The following PSME4 variants were observed in gnomAD, a reference collection of about 807,000 sequenced individuals.
PSME4 encodes proteasome activator complex subunit 4.
PSME4 carries 89 observed loss-of-function variants against 253.9 expected under a neutral mutation model. The ratio of observed to expected loss-of-function variants is 0.35; its 90% CI spans 0.30 to 0.42. PSME4 has a LOEUF of 0.42. Ranked by LOEUF, PSME4 falls within the 10% of genes least tolerant of loss-of-function variation. PSME4 has a pLI of 1.00. For missense variants in PSME4, 2,014 were observed against 2,195.2 expected, an observed-to-expected ratio of 0.92 and a Z score of 1.65; for synonymous variants, 851 against 759.2, an observed-to-expected ratio of 1.12 and a Z score of -1.99.
At chr2:53,934,756 A>G in intron 7 of PSME4, 29 bp from the exon 8 acceptor site, 1 of 1,491,870 alleles carries the variant, frequency 6.7e-7, no homozygotes, top group Admixed American at 1.7e-5. Flanking sequence ...AAGTAAGGAT[A>G]TTTACAGGTA....
intron 41 of PSME4, among the ~76,000 whole-genome samples, chr2:53,879,004 A>G (rs1679259136): frequency 6.6e-6 from 1 of 152,186 alleles, no homozygotes; most frequent in African/African-American, 2.4e-5. Flanking sequence ...AGGGGCATCA[A>G]GGAACCTGCT....
chr2:53,898,048 G>GA (rs749812201), intron 30 of PSME4, 49 bp from the exon 31 acceptor site: 28,622 of 1,269,878 alleles, frequency 0.023, 1 homozygote, highest in South Asian at 0.037. Context: ...AAACCACTTG[G>GA]AAAAAAAAAA....
At chr2:53,882,221 C>G (rs980643444) in intron 41 of PSME4, among the ~76,000 whole-genome samples, 1 of 152,054 alleles carries the variant, frequency 6.6e-6, no homozygotes, top group African/African-American at 2.4e-5. Context: ...GTGCAAAGTG[C>G]AAAAGATATG....
At chr2:53,947,717 A>AAACAAAACAG (rs1669788897) in intron 3 of PSME4, among the ~76,000 whole-genome samples, 9 of 147,530 alleles carry the variant, frequency 6.1e-5, no homozygotes, top group Admixed American at 6.1e-4. Context: ...AAACAAAACA[A>AAACAAAACAG]ACAAAAACAC....
intron 3 of PSME4, 125 bp downstream of exon 3, chr2:53,948,296 A>C (rs1265714711): frequency 2.9e-6 from 2 of 685,392 alleles, no homozygotes; most frequent in Non-Finnish European, 5.2e-6. Context: ...GTCAAATTAC[A>C]CAGAAATAGG....
rs558936393 is a variant in PSME4 at position 53,926,128 on chromosome 2, T to A, written c.1594-105A>T. On this transcript the variant is annotated intron_variant, in intron 12 of 46. Transcript: ENST00000404125. ...TGCCAAATGTATCCACACTAAACCA[T>A]TATATTGGGTACTATGAGAAACAGC... 3 of 813,256 alleles carry A rather than the reference T, an allele frequency of 3.7e-6. No homozygotes were observed. The South Asian group carries it at 4.8e-5, about 13-fold the overall frequency. 50.4% of individuals were successfully genotyped at this position (813,256 alleles called of 1,614,324 possible).
chr2:53,885,645 T>C (rs369233159), intron 41 of PSME4, 45 bp downstream of exon 41: 3 of 1,415,704 alleles, frequency 2.1e-6, no homozygotes, highest in East Asian at 2.3e-5. Flanking sequence ...AAATTCCTTA[T>C]GAAGGTCAAA....
At chr2:53,894,202 G>T (rs1573230528) in intron 34 of PSME4, among the ~76,000 whole-genome samples, 1 of 152,108 alleles carries the variant, frequency 6.6e-6, no homozygotes, top group African/African-American at 2.4e-5. Flanking sequence ...TTCAGAATCA[G>T]AAAAAGTTAC....
intron 20 of PSME4, among the ~76,000 whole-genome samples, chr2:53,911,723 T>C (rs1291317831): frequency 6.6e-6 from 1 of 152,184 alleles, no homozygotes. Flanking sequence ...ATGCAGTCTG[T>C]ATCTAATGCC....
intron 8 of PSME4, 110 bp from the exon 9 acceptor site, chr2:53,932,870 G>C (rs952401064): frequency 1.4e-5 from 10 of 728,044 alleles, no homozygotes; most frequent in Admixed American, 5.0e-5. Flanking sequence ...TAGTCAACTT[G>C]CTGACAAAAA....
intron 1 of PSME4, among the ~76,000 whole-genome samples, chr2:53,953,487 T>TAAAAAAAAAA (rs67192995): frequency 8.1e-6 from 1 of 123,038 alleles, no homozygotes; most frequent in Non-Finnish European, 1.7e-5. Flanking sequence ...CCATGTCTAT[T>TAAAAAAAAAA]AAAAAAAAAA....
At chr2:53,904,181 G>A (rs1680539651) in intron 26 of PSME4, 25 bp from the exon 27 acceptor site, 2 of 1,588,458 alleles carry the variant, frequency 1.3e-6, no homozygotes, top group African/African-American at 1.4e-5. Flanking sequence ...ATTAACAAAG[G>A]ACTTTTATTA....
At chr2:53,892,348 G>C (rs1412148342) in intron 36 of PSME4, among the ~76,000 whole-genome samples, 1 of 152,210 alleles carries the variant, frequency 6.6e-6, no homozygotes, top group South Asian at 2.1e-4. Flanking sequence ...ATTAAAAAGA[G>C]GGATACTCTA....
intron 38 of PSME4, 41 bp from the exon 39 acceptor site, chr2:53,888,030 C>T (rs1311119864): frequency 1.3e-6 from 2 of 1,572,290 alleles, no homozygotes; most frequent in Non-Finnish European, 1.7e-6. Flanking sequence ...GAGGCCCTTT[C>T]TGCCTTTACA....
At chr2:53,904,633 C>T (rs1254077341) in intron 26 of PSME4, among the ~76,000 whole-genome samples, 3 of 152,144 alleles carry the variant, frequency 2.0e-5, no homozygotes, top group Non-Finnish European at 4.4e-5. Context: ...ATTTTTGACC[C>T]AAACAAAATA....
At chr2:53,960,725 T>C (rs934708914) in intron 1 of PSME4, among the ~76,000 whole-genome samples, 4 of 152,234 alleles carry the variant, frequency 2.6e-5, no homozygotes, top group African/African-American at 9.6e-5. Flanking sequence ...TGAAAGATGC[T>C]ATAACTTAAC....
chr2:53,881,670 C>T (rs1231644386), intron 41 of PSME4, among the ~76,000 whole-genome samples: 1 of 151,954 alleles, frequency 6.6e-6, no homozygotes, highest in Non-Finnish European at 1.5e-5. Flanking sequence ...CTGCAGCCTC[C>T]GCCTCCAGGG....
intron 40 of PSME4, 138 bp from the exon 41 acceptor site, chr2:53,885,913 T>C (rs1479127109): frequency 1.9e-6 from 1 of 526,162 alleles, no homozygotes; most frequent in Non-Finnish European, 3.3e-6. Context: ...TCTATGTTAC[T>C]TCATAAATTA....
intron 36 of PSME4, among the ~76,000 whole-genome samples, chr2:53,892,035 C>T (rs1268967703): frequency 6.6e-6 from 1 of 151,988 alleles, no homozygotes; most frequent in Non-Finnish European, 1.5e-5. Flanking sequence ...AGCTTTATCT[C>T]AAAGAACATA....
Sources: allele counts gnomAD v4.1 joint callset (sites outside exome capture counted in the v4.1 genomes callset), GRCh38; gene constraint gnomAD v4.1.1; transcripts MANE v1.5; gene names NCBI Gene and HGNC (gene_info 2026-07-23, HGNC 2026-07-21).